The following CPNE5 variants were observed in gnomAD, a reference collection of about 807,000 sequenced individuals.
CPNE5 encodes copine-5.
Under a neutral mutation model 81.1 loss-of-function variants are expected in CPNE5, and 42 were observed. The observed-to-expected ratio is 0.52, with a 90% CI of 0.40 to 0.67. The LOEUF is 0.67. Among genes scored for constraint, CPNE5 ranks in the 30% least tolerant of loss-of-function variants. CPNE5 has a pLI of 0.00. For synonymous variants in CPNE5, 313 were observed against 321.5 expected (o/e 0.97, Z 0.28); for missense variants, 612 against 815.5 (o/e 0.75, Z 3.04).
rs764102747 is a variant in CPNE5, at chr6:36,822,077, G to T, written c.183+37C>A. ...AGAGACAGACAGGCAGACAGGAACAGGCTGGTGTTTCTGGTGTGGGAAGGA... is the reference window on the plus strand; with the variant it reads ...AGAGACAGACAGGCAGACAGGAACATGCTGGTGTTTCTGGTGTGGGAAGGA... On this transcript the variant is annotated intron_variant, in intron 3 of 20. Coordinates refer to ENST00000244751, the MANE Select transcript of CPNE5 (RefSeq NM_020939.2). 4.0e-6 allele frequency: 6 copies of T among 1,510,798 alleles called. 1 individual carries two copies. In the South Asian group the frequency reaches 7.6e-5, roughly 19 times the overall value. 93.6% of individuals were successfully genotyped at this position (1,510,798 alleles called of 1,614,324 possible).
At chr6:36,822,951 G>T in intron 2 of CPNE5, 107 bp downstream of exon 2, 1 of 914,134 alleles carries the variant, frequency 1.1e-6, no homozygotes, top group Non-Finnish European at 1.6e-6. Flanking sequence ...ACTTTGAACG[G>T]CGCCTGGCAC....
chr6:36,781,754 A>G (rs1194120307), intron 8 of CPNE5, among the ~76,000 whole-genome samples: 1 of 152,192 alleles, frequency 6.6e-6, no homozygotes, highest in Non-Finnish European at 1.5e-5. Flanking sequence ...AAAAACAATC[A>G]GGAGATTCAA....
chr6:36,775,154 C>A, intron 9 of CPNE5, 89 bp from the exon 10 acceptor site: 1 of 932,524 alleles, frequency 1.1e-6, no homozygotes. Flanking sequence ...TGGTTCACAT[C>A]TCTGGTTCCT....
rs1448406284 is a variant in CPNE5 at position 36,744,259 on chromosome 6, T to C, written c.1489+9A>G. 2 of 1,573,712 alleles carry C rather than the reference T, an allele frequency of 1.3e-6. No homozygotes were observed. The highest frequency in any genetic ancestry group is 1.7e-6 in the Non-Finnish European group (2 of 1,159,452). The stretch of plus-strand genomic sequence containing the variant: ...AAGGAAAGGAGGGGAAGGCAGCAGC[T>C]GGACTCACCGTCGAACTCTGCCTGG... On this transcript the variant is annotated intron_variant, in intron 19 of 20. Transcript: ENST00000244751.
At chr6:36,769,564 G>A (rs1005743160) in intron 10 of CPNE5, among the ~76,000 whole-genome samples, 4 of 152,232 alleles carry the variant, frequency 2.6e-5, no homozygotes, top group Non-Finnish European at 4.4e-5. Context: ...GGGCTGACAG[G>A]CCCTGAGGGG....
At chr6:36,793,229 A>G (rs999918701) in intron 7 of CPNE5, among the ~76,000 whole-genome samples, 1 of 152,028 alleles carries the variant, frequency 6.6e-6, no homozygotes, top group Non-Finnish European at 1.5e-5. Flanking sequence ...CAAACAGAGG[A>G]GGCAGGGGAG....
chr6:36,747,259 C>G (rs540341954), intron 15 of CPNE5, among the ~76,000 whole-genome samples: 26 of 150,716 alleles, frequency 1.7e-4, no homozygotes, highest in African/African-American at 6.0e-4. Context: ...ATTTCCCCCC[C>G]CAGAGCCCTC....
At chr6:36,804,390 A>G (rs1431508569) in intron 3 of CPNE5, among the ~76,000 whole-genome samples, 2 of 152,214 alleles carry the variant, frequency 1.3e-5, no homozygotes, top group Non-Finnish European at 2.9e-5. Context: ...GTTCCAAAAG[A>G]GTTCCTGCAT....
At chr6:36,822,032 A>AG in intron 3 of CPNE5, 82 bp downstream of exon 3, 1 of 1,313,196 alleles carries the variant, frequency 7.6e-7, no homozygotes, top group Non-Finnish European at 1.0e-6. Flanking sequence ...GAAACATGTC[A>AG]GGGAAATTGC....
chr6:36,836,411 A>G (rs460539), intron 1 of CPNE5, among the ~76,000 whole-genome samples: 36,899 of 152,016 alleles, frequency 0.24, 4,833 homozygotes, highest in South Asian at 0.41. Context: ...CTTCATGAGG[A>G]GGAAGGCAAG....
At chr6:36,779,007 A>T (rs767301836) in intron 8 of CPNE5, 50 bp from the exon 9 acceptor site, 1 of 1,296,318 alleles carries the variant, frequency 7.7e-7, no homozygotes, top group East Asian at 2.4e-5. Flanking sequence ...AAGTGGAAGC[A>T]CAGCTCCCAG....
intron 1 of CPNE5, among the ~76,000 whole-genome samples, chr6:36,825,877 A>C (rs1365907516): frequency 6.6e-6 from 1 of 152,084 alleles, no homozygotes; most frequent in Non-Finnish European, 1.5e-5. Flanking sequence ...TTCTCTACTA[A>C]AGCAAGCGCT....
intron 16 of CPNE5, 102 bp from the exon 17 acceptor site, chr6:36,745,617 C>T: frequency 7.5e-7 from 1 of 1,328,928 alleles, no homozygotes; most frequent in East Asian, 2.5e-5. Context: ...GGCCTGGGCT[C>T]CCCCAGGTCT....
At chr6:36,809,108 CTGGGTG>C (rs1770862360) in intron 3 of CPNE5, among the ~76,000 whole-genome samples, 1 of 152,182 alleles carries the variant, frequency 6.6e-6, no homozygotes, top group South Asian at 2.1e-4. Flanking sequence ...CCCTGTGGGT[CTGGGTG>C]GACCCACAGA....
At position 36,815,860 on chromosome 6, in the gene CPNE5, G is replaced by A. The variant is rs895006069; in HGVS notation, c.183+6254C>T. On this transcript the variant is annotated intron_variant, in intron 3 of 20. Transcript: ENST00000244751. ...GTGGTGGCTGGGGCCAATGACTGCAGTGGTATGGGGCGATCTGCTGGACAC... is the reference window on the plus strand; with the variant it reads ...GTGGTGGCTGGGGCCAATGACTGCAATGGTATGGGGCGATCTGCTGGACAC... Among the ~76,000 whole-genome samples, 8 of 152,246 alleles carry A rather than the reference G, an allele frequency of 5.3e-5. No individual in the cohort carries two copies. In the South Asian group the frequency reaches 6.2e-4, roughly 12 times the overall value.
At chr6:36,782,673 A>G (rs979308282) in intron 8 of CPNE5, among the ~76,000 whole-genome samples, 9 of 152,052 alleles carry the variant, frequency 5.9e-5, no homozygotes, top group African/African-American at 1.9e-4. Context: ...GCATGCCTGT[A>G]ATCCCAGCTA....
At position 36,743,016 on chromosome 6, in the gene CPNE5, G is replaced by T. The variant is rs1004511494; in HGVS notation, c.1564-530C>A. ...ACTCCTGCCTCCAGGCCTTAGCATG[G>T]GCCGGTCCCACCTCCCAGGTTGTCT... is the stretch of plus-strand genomic sequence containing the variant. On this transcript the variant is annotated intron_variant, in intron 20 of 20. Transcript: ENST00000244751. The T allele has an allele frequency of 8.1e-6, 8 of 985,282 alleles. No individual in the cohort carries two copies. In the African/African-American group the frequency reaches 1.4e-4, roughly 17 times the overall value. 61.0% of individuals were successfully genotyped at this position (985,282 alleles called of 1,614,324 possible).
upstream of CPNE5, chr6:36,839,504 G>A (rs1773841688): frequency 1.4e-6 from 1 of 714,352 alleles, no homozygotes. This position sits in a 1 kb window ranked among gnomAD's most constrained non-coding sequence, Gnocchi z 7.3. Flanking sequence ...GGAGGAGAGA[G>A]GAGCGCGAAG....
intron 8 of CPNE5, among the ~76,000 whole-genome samples, chr6:36,789,601 G>T (rs901412342): frequency 6.6e-6 from 1 of 152,118 alleles, no homozygotes; most frequent in Non-Finnish European, 1.5e-5. Context: ...CCCTATCAGC[G>T]CCAAGCTGCA....
Sources: allele counts gnomAD v4.1 joint callset (sites outside exome capture counted in the v4.1 genomes callset), GRCh38; gene constraint gnomAD v4.1.1; non-coding constraint Gnocchi (gnomAD v3.1); transcripts MANE v1.5; gene names NCBI Gene and HGNC (gene_info 2026-07-23, HGNC 2026-07-21).